Variants in MARCHF1 observed in about 807,000 individuals in gnomAD.
MARCHF1 encodes the protein E3 ubiquitin-protein ligase MARCHF1.
A neutral mutation model predicts 54.2 loss-of-function variants in MARCHF1; 40 were observed. That is an observed-to-expected ratio of 0.74 (90% CI 0.57 to 0.96). The LOEUF is 0.96. Among genes scored for constraint, MARCHF1 ranks in the 40% least tolerant of loss-of-function variants. The pLI, the probability that MARCHF1 is intolerant of heterozygous loss-of-function variation, is 0.00. For missense variants in MARCHF1, 586 were observed against 656.5 expected (o/e 0.89, Z 1.17); for synonymous variants, 236 against 236.3 (o/e 1.00, Z 0.01).
intron 4 of MARCHF1, among the ~76,000 whole-genome samples, chr4:163,761,826 C>A (rs1222332321): frequency 6.6e-6 from 1 of 152,168 alleles, no homozygotes; most frequent in Non-Finnish European, 1.5e-5. Context: ...TTGCTCTCCT[C>A]CTTTCCCTTC....
At chr4:163,917,210 C>T (rs771705209) in intron 3 of MARCHF1, among the ~76,000 whole-genome samples, 31 of 152,082 alleles carry the variant, frequency 2.0e-4, no homozygotes, top group Admixed American at 2.6e-4. Flanking sequence ...CGAATAAACC[C>T]GTTATAAACA....
At chr4:164,373,635 G>A (rs1371537107) in intron 1 of MARCHF1, among the ~76,000 whole-genome samples, 4 of 151,966 alleles carry the variant, frequency 2.6e-5, no homozygotes, top group South Asian at 2.1e-4. Context: ...GATTACAGGC[G>A]TGAGTCACCG....
At chr4:163,740,321 A>T (rs1003440051) in intron 4 of MARCHF1, among the ~76,000 whole-genome samples, 6 of 152,240 alleles carry the variant, frequency 3.9e-5, no homozygotes, top group Non-Finnish European at 8.8e-5. Flanking sequence ...GTTGTCAAGA[A>T]CTGTGAACAT....
intron 1 of MARCHF1, among the ~76,000 whole-genome samples, chr4:164,157,730 T>C (rs1410918665): frequency 6.6e-6 from 1 of 152,144 alleles, no homozygotes; most frequent in African/African-American, 2.4e-5. Context: ...CCCATGATCA[T>C]CTTCTCAAAA....
At chr4:163,736,837 T>G (rs1746047884) in intron 4 of MARCHF1, among the ~76,000 whole-genome samples, 1 of 152,190 alleles carries the variant, frequency 6.6e-6, no homozygotes. Flanking sequence ...TCAGAAATGC[T>G]TTTTCATTAA....
At chr4:163,868,043 T>C (rs1361976905) in intron 3 of MARCHF1, among the ~76,000 whole-genome samples, 1 of 151,778 alleles carries the variant, frequency 6.6e-6, no homozygotes, top group Non-Finnish European at 1.5e-5. Context: ...AGAAGGCCTT[T>C]TGCATTGCAT....
chr4:163,788,855 A>C (rs1389360057), intron 4 of MARCHF1, among the ~76,000 whole-genome samples: 2 of 152,092 alleles, frequency 1.3e-5, no homozygotes, highest in African/African-American at 2.4e-5. Context: ...TTTAGCAGAC[A>C]GCAATCTCAA....
chr4:163,597,150 G>C (rs1740802585), intron 7 of MARCHF1, among the ~76,000 whole-genome samples: 1 of 152,036 alleles, frequency 6.6e-6, no homozygotes, highest in Non-Finnish European at 1.5e-5. Flanking sequence ...GAGAGACGCG[G>C]TTTCGCCATG....
At chr4:163,719,803 G>T (rs1316813269) in intron 4 of MARCHF1, among the ~76,000 whole-genome samples, 3 of 152,102 alleles carry the variant, frequency 2.0e-5, no homozygotes, top group Admixed American at 6.5e-5. Context: ...ATTTTTTCAT[G>T]TGTCTTTTGG....
At chr4:163,713,325 T>C (rs1310884755) in intron 4 of MARCHF1, among the ~76,000 whole-genome samples, 1 of 152,162 alleles carries the variant, frequency 6.6e-6, no homozygotes, top group Non-Finnish European at 1.5e-5. Context: ...TCATATAGTA[T>C]TCTACTAATA....
intron 1 of MARCHF1, among the ~76,000 whole-genome samples, chr4:164,290,042 C>T (rs750561432): frequency 3.9e-5 from 6 of 152,066 alleles, no homozygotes; most frequent in Non-Finnish European, 7.4e-5. Flanking sequence ...CATACACACA[C>T]ACAGACACAC....
At chr4:163,833,825 T>A (rs966600755) in intron 4 of MARCHF1, among the ~76,000 whole-genome samples, 1 of 152,146 alleles carries the variant, frequency 6.6e-6, no homozygotes, top group Non-Finnish European at 1.5e-5. Context: ...TACTGTGGAA[T>A]AATGAGTTTC....
At chr4:163,588,031 A>G (rs957626992) in intron 7 of MARCHF1, among the ~76,000 whole-genome samples, 1 of 152,114 alleles carries the variant, frequency 6.6e-6, no homozygotes, top group African/African-American at 2.4e-5. Context: ...CAGAGACCTC[A>G]AAGTAAAACA....
At chr4:163,586,340 C>T (rs1019442048) in intron 7 of MARCHF1, among the ~76,000 whole-genome samples, 1 of 152,056 alleles carries the variant, frequency 6.6e-6, no homozygotes, top group Non-Finnish European at 1.5e-5. Context: ...CAGGATATCT[C>T]GTTATGTATG....
At chr4:163,598,560 T>C (rs1740845972) in intron 7 of MARCHF1, among the ~76,000 whole-genome samples, 1 of 152,214 alleles carries the variant, frequency 6.6e-6, no homozygotes, top group South Asian at 2.1e-4. Flanking sequence ...GTTACTGTAC[T>C]GAATACTGTG....
intron 2 of MARCHF1, among the ~76,000 whole-genome samples, chr4:164,087,228 A>G (rs1313099112): frequency 6.6e-6 from 1 of 152,092 alleles, no homozygotes; most frequent in East Asian, 1.9e-4. Context: ...CAAGCAACAT[A>G]TTTTATGATT....
At chr4:164,185,821 C>A (rs948859874) in intron 1 of MARCHF1, among the ~76,000 whole-genome samples, 1 of 127,500 alleles carries the variant, frequency 7.8e-6, no homozygotes, top group African/African-American at 2.8e-5. Flanking sequence ...AAAAAAAAAA[C>A]ATTTCAAGAC....
intron 8 of MARCHF1, among the ~76,000 whole-genome samples, chr4:163,583,214 G>T (rs950477557): frequency 6.6e-6 from 1 of 152,182 alleles, no homozygotes; most frequent in Admixed American, 6.5e-5. Flanking sequence ...ATACCACTTG[G>T]CTCCACTGGT....
At chr4:163,925,650 G>A (rs748264054) in intron 3 of MARCHF1, among the ~76,000 whole-genome samples, 20 of 151,686 alleles carry the variant, frequency 1.3e-4, no homozygotes, top group Admixed American at 2.0e-4. Flanking sequence ...ATTTTGGTAC[G>A]AAAATAGAAG....
Sources: allele counts gnomAD v4.1 joint callset (sites outside exome capture counted in the v4.1 genomes callset), GRCh38; gene constraint gnomAD v4.1.1; transcripts MANE v1.5; gene names NCBI Gene and HGNC (gene_info 2026-07-23, HGNC 2026-07-21).